The following DGKI variants were observed in gnomAD, a reference collection of about 807,000 sequenced individuals.
DGKI encodes the protein DAG kinase iota.
DGKI carries 55 observed loss-of-function variants against 147.5 expected under a neutral mutation model. The ratio of observed to expected loss-of-function variants is 0.37; its 90% confidence interval spans 0.30 to 0.47. The LOEUF (loss-of-function observed/expected upper bound fraction) is 0.47, where lower values mean the gene tolerates loss of function less well. DGKI is among the 20% of genes least tolerant of loss of function. The probability of loss-of-function intolerance (pLI) is 1.00; values close to 1 mark genes in which losing one functional copy is unlikely to be tolerated. For synonymous variants in DGKI, 469 were observed against 477.1 expected (o/e 0.98, Z 0.22); for missense variants, 1,007 against 1,323.8 (o/e 0.76, Z 3.71).
intron 1 of DGKI, among the ~76,000 whole-genome samples, chr7:137,822,096 T>C (rs1454379166): frequency 6.6e-6 from 1 of 152,184 alleles, no homozygotes; most frequent in Non-Finnish European, 1.5e-5. Context: ...TGAAAGCCTA[T>C]CCACTGAATA....
At position 137,846,396 on chromosome 7, in the gene DGKI, G is replaced by T. The variant is rs1482545344; in HGVS notation, c.401+66C>A. ...GCCCAACTCCGCGGAAGCGCCCCTT[G>T]CTGGGTAGAAGAGTGGGTCTCCCGC... is the stretch of plus-strand genomic sequence containing the variant. On this transcript the variant is annotated intron_variant, in intron 1 of 32. Transcript: ENST00000614521. The surrounding 1 kb of genome is among the most constrained non-coding windows in gnomAD (Gnocchi z 4.0). The T allele has an allele frequency of 3.6e-6, 4 of 1,124,922 alleles. No individual in the cohort carries two copies. Among genetic ancestry groups the T allele is most frequent in the Non-Finnish European group, 4.7e-6 (4 of 857,236 alleles). The allele number at this position is 1,124,922 out of a possible 1,614,324, so 69.7% of individuals were successfully genotyped here.
At chr7:137,395,211 G>A (rs1443187415) in intron 32 of DGKI, among the ~76,000 whole-genome samples, 1 of 152,170 alleles carries the variant, frequency 6.6e-6, no homozygotes, top group Non-Finnish European at 1.5e-5. Flanking sequence ...AAACACGTTG[G>A]AGTAAGTACT....
chr7:137,827,518 C>T (rs1245697930), intron 1 of DGKI, among the ~76,000 whole-genome samples: 1 of 152,210 alleles, frequency 6.6e-6, no homozygotes, highest in Non-Finnish European at 1.5e-5. Context: ...CTTGTGTCCC[C>T]ATCTCCTCCT....
At chr7:137,691,809 T>TTTTTTGTTTTTTTTTG (rs1554458896) in intron 1 of DGKI, among the ~76,000 whole-genome samples, 9 of 141,012 alleles carry the variant, frequency 6.4e-5, no homozygotes, top group African/African-American at 2.5e-4. Context: ...TTTTTTTTTT[T>TTTTTTGTTTTTTTTTG]TTTTTTTTTT....
intron 28 of DGKI, among the ~76,000 whole-genome samples, chr7:137,438,132 G>A (rs1044587891): frequency 2.0e-5 from 3 of 151,972 alleles, no homozygotes; most frequent in African/African-American, 4.8e-5. Flanking sequence ...AAAAGAGCTC[G>A]AACAGATAAG....
At chr7:137,638,543 T>C (rs1176161078) in intron 6 of DGKI, among the ~76,000 whole-genome samples, 7 of 117,546 alleles carry the variant, frequency 6.0e-5, no homozygotes, top group South Asian at 5.2e-4. Flanking sequence ...CATATATGTA[T>C]ATATATGTGT....
At chr7:137,449,952 A>T (rs1370257257) in intron 27 of DGKI, among the ~76,000 whole-genome samples, 1 of 152,226 alleles carries the variant, frequency 6.6e-6, no homozygotes, top group Admixed American at 6.5e-5. Context: ...CTAGTCAGCC[A>T]TAAAAAAAAG....
intron 1 of DGKI, among the ~76,000 whole-genome samples, chr7:137,691,706 A>G (rs1315730352): frequency 2.0e-5 from 3 of 151,876 alleles, no homozygotes; most frequent in African/African-American, 7.2e-5. Context: ...CTGAGGAAAC[A>G]CTGAGTAGAA....
chr7:137,402,988 G>A (rs117800896), intron 30 of DGKI, among the ~76,000 whole-genome samples: 2,282 of 152,274 alleles, frequency 0.015, 28 homozygotes, highest in South Asian at 0.024. Context: ...TGGGGTAGGC[G>A]TGGGGAGAAT....
chr7:137,587,334 A>T (rs1286703208), intron 12 of DGKI, 124 bp from the exon 13 acceptor site: 6 of 681,072 alleles, frequency 8.8e-6, no homozygotes, highest in Non-Finnish European at 1.3e-5. Flanking sequence ...TAAAACATGT[A>T]TGTTTTCATT....
intron 6 of DGKI, among the ~76,000 whole-genome samples, chr7:137,630,190 A>T (rs955437496): frequency 1.3e-5 from 2 of 152,168 alleles, no homozygotes; most frequent in Admixed American, 6.5e-5. Context: ...TTATGGCATT[A>T]ATAAAAGACT....
rs374680647 is a variant in DGKI at position 137,587,738 on chromosome 7, T to C, written c.1312-528A>G. 5.9e-5 allele frequency among the ~76,000 whole-genome samples: 9 copies of C among 152,356 alleles called. No homozygotes were observed. In the South Asian group the frequency reaches 1.9e-3, roughly 32 times the overall value. Reference sequence around the variant, plus strand: ...GGTACATGGCCCATATAAGTACTTATTAAATGGTTGCCCTCTATAGTATCA... The same window carrying C: ...GGTACATGGCCCATATAAGTACTTACTAAATGGTTGCCCTCTATAGTATCA... On this transcript the variant is annotated intron_variant, in intron 12 of 32. Coordinates refer to ENST00000614521, the MANE Select transcript of DGKI (RefSeq NM_001321708.2).
chr7:137,835,837 C>A (rs1798362193), intron 1 of DGKI, among the ~76,000 whole-genome samples: 1 of 152,208 alleles, frequency 6.6e-6, no homozygotes, highest in South Asian at 2.1e-4. Context: ...GTTGAAACAG[C>A]ATCCTGCAGT....
intron 1 of DGKI, among the ~76,000 whole-genome samples, chr7:137,699,386 A>G (rs1253081446): frequency 6.6e-6 from 1 of 152,192 alleles, no homozygotes; most frequent in East Asian, 1.9e-4. Context: ...GCTCAATTGG[A>G]AGTTGTTGCA....
intron 20 of DGKI, among the ~76,000 whole-genome samples, chr7:137,539,937 G>C (rs183250368): frequency 9.2e-5 from 14 of 152,264 alleles, no homozygotes; most frequent in African/African-American, 3.4e-4. Flanking sequence ...AGACATGAAA[G>C]AGAGAAAGAA....
At chr7:137,483,185 AT>A (rs796733055) in intron 23 of DGKI, among the ~76,000 whole-genome samples, 82 of 152,256 alleles carry the variant, frequency 5.4e-4, no homozygotes, top group African/African-American at 1.9e-3. Context: ...GCATAAAAAA[AT>A]ATGGTACAAA....
intron 21 of DGKI, among the ~76,000 whole-genome samples, chr7:137,492,928 G>T (rs1005627553): frequency 6.6e-6 from 1 of 152,138 alleles, no homozygotes; most frequent in Non-Finnish European, 1.5e-5. Flanking sequence ...CAGCCCAGTG[G>T]CCTCTGCCAA....
chr7:137,705,556 T>C (rs1329682040), intron 1 of DGKI, among the ~76,000 whole-genome samples: 3 of 152,072 alleles, frequency 2.0e-5, no homozygotes, highest in Admixed American at 2.0e-4. Context: ...AGAACAGTGG[T>C]TGCTGAGTGG....
intron 1 of DGKI, among the ~76,000 whole-genome samples, chr7:137,793,502 T>C (rs904365731): frequency 4.6e-5 from 7 of 152,154 alleles, no homozygotes; most frequent in Non-Finnish European, 8.8e-5. Context: ...GGTTTCACCA[T>C]GTTGGCCAGG....
Sources: gnomAD v4.1 joint callset for allele counts (sites outside exome capture counted in the v4.1 genomes callset) on GRCh38, gnomAD v4.1.1 for gene constraint, Gnocchi (gnomAD v3.1) non-coding constraint, MANE v1.5 for transcripts, NCBI Gene and HGNC (gene_info 2026-07-23, HGNC 2026-07-21) for gene names.